PPM1L: variants seen among roughly 807,000 people sequenced by gnomAD.
The protein encoded by PPM1L is protein phosphatase 1L.
Under a neutral mutation model 31.4 loss-of-function variants are expected in PPM1L, and 13 were observed. The ratio of observed to expected loss-of-function variants is 0.41; its 90% confidence interval spans 0.27 to 0.66. PPM1L has a LOEUF of 0.66. Among genes scored for constraint, PPM1L ranks in the 30% least tolerant of loss-of-function variants. PPM1L has a pLI of 0.29. For synonymous variants in PPM1L, 184 were observed against 175.4 expected (o/e 1.05, Z -0.39); for missense variants, 326 against 453.7 (o/e 0.72, Z 2.56).
At chr3:160,985,913 G>C (rs1209877142) in intron 2 of PPM1L, among the ~76,000 whole-genome samples, 1 of 150,674 alleles carries the variant, frequency 6.6e-6, no homozygotes, top group Non-Finnish European at 1.5e-5. Flanking sequence ...ATTAATGTAT[G>C]ATTTTTTTAT....
At chr3:161,027,647 C>T (rs1718443376) in intron 2 of PPM1L, among the ~76,000 whole-genome samples, 3 of 152,144 alleles carry the variant, frequency 2.0e-5, no homozygotes, top group African/African-American at 4.8e-5. Context: ...TCCCACAACA[C>T]GTGGGAATTC....
intron 1 of PPM1L, among the ~76,000 whole-genome samples, chr3:160,807,602 C>T (rs1428335423): frequency 6.6e-6 from 1 of 152,064 alleles, no homozygotes; most frequent in African/African-American, 2.4e-5. Flanking sequence ...GGATAACGCA[C>T]CTGGAAGAAA....
intron 1 of PPM1L, among the ~76,000 whole-genome samples, chr3:160,826,554 A>T (rs185409746): frequency 1.9e-4 from 29 of 152,278 alleles, no homozygotes; most frequent in Admixed American, 1.6e-3. Flanking sequence ...TAGAATCTTT[A>T]TTCAAAGTCC....
chr3:160,756,801 G>A lies in PPM1L; in HGVS notation c.399+94G>A. ...TGTGTGTGTGTGTGTATAAACAACA[G>A]GACAGCGTGTGCGCAGCGGGAGAGG... is the stretch of plus-strand genomic sequence containing the variant. On this transcript the variant is annotated intron_variant, in intron 1 of 3. Coordinates refer to ENST00000498165, the MANE Select transcript of PPM1L (RefSeq NM_139245.4). The surrounding 1 kb of genome is among the most constrained non-coding windows in gnomAD (Gnocchi z 6.2). 1 of 1,110,956 alleles carries A rather than the reference G, an allele frequency of 9.0e-7. No individual in the cohort carries two copies. The highest frequency in any genetic ancestry group is 1.2e-6 in the Non-Finnish European group (1 of 813,902). The allele number at this position is 1,110,956 out of a possible 1,614,324, so 68.8% of individuals were successfully genotyped here.
intron 1 of PPM1L, among the ~76,000 whole-genome samples, chr3:160,928,695 G>A (rs567827217): frequency 1.3e-3 from 198 of 152,184 alleles, no homozygotes; most frequent in Non-Finnish European, 2.4e-3. Flanking sequence ...TCAAGAATGG[G>A]ACTAGTGACC....
At chr3:160,995,122 A>G (rs1448734987) in intron 2 of PPM1L, among the ~76,000 whole-genome samples, 12 of 152,330 alleles carry the variant, frequency 7.9e-5, no homozygotes, top group East Asian at 1.9e-4. Flanking sequence ...GAGGTTTTCA[A>G]TGTTCTCAAC....
chr3:161,014,634 C>G (rs905154381), intron 2 of PPM1L, among the ~76,000 whole-genome samples: 1 of 152,106 alleles, frequency 6.6e-6, no homozygotes, highest in Non-Finnish European at 1.5e-5. Flanking sequence ...GCCACCACGC[C>G]CAGCTAACTT....
At chr3:160,885,481 C>T (rs951055147) in intron 1 of PPM1L, among the ~76,000 whole-genome samples, 1 of 152,166 alleles carries the variant, frequency 6.6e-6, no homozygotes, top group African/African-American at 2.4e-5. Flanking sequence ...TTGAAAAGAA[C>T]CATAATAAAC....
intron 2 of PPM1L, among the ~76,000 whole-genome samples, chr3:161,040,196 C>A (rs371886146): frequency 6.6e-6 from 1 of 152,120 alleles, no homozygotes; most frequent in Non-Finnish European, 1.5e-5. Flanking sequence ...TTTAGACACC[C>A]CTTTGCTTTC....
At chr3:161,007,308 G>A (rs1040473174) in intron 2 of PPM1L, among the ~76,000 whole-genome samples, 3 of 152,246 alleles carry the variant, frequency 2.0e-5, no homozygotes, top group African/African-American at 7.2e-5. Flanking sequence ...CATCATGTAA[G>A]CTGATAACTT....
intron 1 of PPM1L, among the ~76,000 whole-genome samples, chr3:160,952,138 C>A (rs1056895267): frequency 4.6e-5 from 7 of 152,196 alleles, no homozygotes; most frequent in Non-Finnish European, 1.0e-4. Context: ...AGAAATGACA[C>A]TCTTGGCAGG....
intron 1 of PPM1L, among the ~76,000 whole-genome samples, chr3:160,893,837 G>C (rs2108048258): frequency 6.6e-6 from 1 of 152,262 alleles, no homozygotes; most frequent in Non-Finnish European, 1.5e-5. Context: ...CTACTTTGTG[G>C]TGGTACAAAA....
chr3:160,971,123 C>A (rs1209999873), intron 2 of PPM1L, among the ~76,000 whole-genome samples: 1 of 152,056 alleles, frequency 6.6e-6, no homozygotes, highest in Non-Finnish European at 1.5e-5. Context: ...AAACTATTGG[C>A]CATAGTTGTT....
rs1718884577 is a variant in PPM1L at position 161,040,774 on chromosome 3, G to A, written c.575-24629G>A. ...TACAAACCATAAATTCTCATCAGAT[G>A]GGTTTTATTTAACCCTATATATTGT... On this transcript the variant is annotated intron_variant, in intron 2 of 3. Transcript: ENST00000498165. Among the ~76,000 whole-genome samples the A allele has an allele frequency of 1.3e-5, 2 of 152,014 alleles. 1 individual carries two copies. The highest frequency in any genetic ancestry group is 4.8e-5 in the African/African-American group (2 of 41,406).
rs1720117275 is a variant in PPM1L, at chr3:161,076,851, AGTT to A, written c.*7695_*7697del. On this transcript the variant is annotated 3_prime_UTR_variant, in exon 4 of 4. Transcript: ENST00000498165. ...ATAATTTGTATAAGGAAAATGTATG[AGTT>A]TTTTTCTTAAAAATAAATAGAAGCA... The A allele has an allele frequency of 6.6e-6, 1 of 152,358 alleles. No homozygotes were observed. Among genetic ancestry groups the A allele is most frequent in the African/African-American group, 2.4e-5 (1 of 41,588 alleles). The allele number at this position is 152,358 out of a possible 1,614,324, so 9.4% of individuals were successfully genotyped here. A position where few individuals can be genotyped will look rare whatever the true frequency, so the allele number is the denominator to read the frequency against.
intron 1 of PPM1L, among the ~76,000 whole-genome samples, chr3:160,767,999 A>G (rs1246625222): frequency 6.6e-6 from 1 of 152,206 alleles, no homozygotes; most frequent in Non-Finnish European, 1.5e-5. Context: ...AAATTGAGAC[A>G]TGGTGGGATC....
intron 1 of PPM1L, among the ~76,000 whole-genome samples, chr3:160,758,517 G>A (rs1714877355): frequency 6.6e-6 from 1 of 152,130 alleles, no homozygotes; most frequent in Non-Finnish European, 1.5e-5. Context: ...TAGTAATGTG[G>A]TGAAATTTTG....
chr3:161,009,362 G>C (rs1051032283), intron 2 of PPM1L, among the ~76,000 whole-genome samples: 2 of 152,090 alleles, frequency 1.3e-5, no homozygotes, highest in African/African-American at 4.8e-5. Context: ...GCTTACATAT[G>C]AATAGTTAAA....
chr3:160,915,944 A>C (rs1714161211), intron 1 of PPM1L, among the ~76,000 whole-genome samples: 1 of 152,216 alleles, frequency 6.6e-6, no homozygotes, highest in Non-Finnish European at 1.5e-5. Flanking sequence ...TAGACCTAAA[A>C]CCATAAAAAC....
Sources: gnomAD v4.1 joint callset for allele counts (sites outside exome capture counted in the v4.1 genomes callset) on GRCh38, gnomAD v4.1.1 for gene constraint, Gnocchi (gnomAD v3.1) non-coding constraint, MANE v1.5 for transcripts, NCBI Gene and HGNC (gene_info 2026-07-23, HGNC 2026-07-21) for gene names.